Variants in MTMR4 observed in about 807,000 individuals in gnomAD.
The protein encoded by MTMR4 is phosphatidylinositol-3,5-bisphosphate 3-phosphatase MTMR4.
MTMR4 carries 30 observed loss-of-function variants against 125.5 expected under a neutral mutation model. The ratio of observed to expected loss-of-function variants is 0.24; its 90% CI spans 0.18 to 0.32. MTMR4 has a LOEUF of 0.32. Ranked by LOEUF, MTMR4 falls within the 10% of genes least tolerant of loss-of-function variation. MTMR4 has a pLI of 1.00. For synonymous variants in MTMR4, 498 were observed against 564.5 expected, an observed-to-expected ratio of 0.88 and a Z score of 1.67; for missense variants, 1,039 against 1,511.5, an observed-to-expected ratio of 0.69 and a Z score of 5.18.
Position 58,490,552 on chromosome 17 carries a change from A to G in MTMR4, c.*1111T>C, listed in dbSNP as rs980504706. The G allele has an allele frequency of 6.5e-6, 1 of 152,688 alleles. No individual in the cohort carries two copies. The highest frequency in any genetic ancestry group is 2.4e-5 in the African/African-American group (1 of 41,468). The allele number at this position is 152,688 out of a possible 1,614,324, so 9.5% of individuals were successfully genotyped here. A position where few individuals can be genotyped will look rare whatever the true frequency, so the allele number is the denominator to read the frequency against. On this transcript the variant is annotated 3_prime_UTR_variant, in exon 18 of 18. Transcript: ENST00000682306. ...GTTCCATTGTTAAGTGCACAGAAAT[A>G]GACAGCAGCATTTGTACTGAAACCC... is the stretch of plus-strand genomic sequence containing the variant.
Position 58,508,339 on chromosome 17 carries a change from G to A in MTMR4, c.594-65C>T. On this transcript the variant is annotated intron_variant, in intron 6 of 17. Transcript: ENST00000682306. The surrounding 1 kb of genome is among the most constrained non-coding windows in gnomAD (Gnocchi z 4.8). ...AAACATGTGATGACAGGATCCCTGG[G>A]GATGGCTTTGTGGGAAGAGAAACCA... The A allele has an allele frequency of 6.4e-7, 1 of 1,561,560 alleles. No homozygotes were observed. Among genetic ancestry groups the A allele is most frequent in the African/African-American group, 1.4e-5 (1 of 73,918 alleles).
chr17:58,498,797 G>A (rs1975542524), intron 14 of MTMR4, among the ~76,000 whole-genome samples: 1 of 151,968 alleles, frequency 6.6e-6, no homozygotes, highest in African/African-American at 2.4e-5. Flanking sequence ...AAACTGGCTG[G>A]TCTTCTCGAC....
upstream of MTMR4, among the ~76,000 whole-genome samples, chr17:58,518,068 G>A (rs1459474400): frequency 6.6e-6 from 1 of 152,210 alleles, no homozygotes; most frequent in Non-Finnish European, 1.5e-5. Flanking sequence ...TTAGCCAATC[G>A]GATGCCTAAA....
chr17:58,491,314 A>G lies in MTMR4; in HGVS notation c.*349T>C, dbSNP rs1183746605. 1 of 174,914 alleles carries G rather than the reference A, an allele frequency of 5.7e-6. No individual in the cohort carries two copies. Among genetic ancestry groups the G allele is most frequent in the South Asian group, 1.4e-4 (1 of 6,950 alleles). The allele number at this position is 174,914 out of a possible 1,614,324, so 10.8% of individuals were successfully genotyped here. ...GTTATCACTTGGAGTTTGGTTATACATATGCCTTTCTATTGCTGTTTGGGG... is the reference window on the plus strand; with the variant it reads ...GTTATCACTTGGAGTTTGGTTATACGTATGCCTTTCTATTGCTGTTTGGGG... On this transcript the variant is annotated 3_prime_UTR_variant, in exon 18 of 18. Coordinates refer to ENST00000682306, the MANE Select transcript of MTMR4 (RefSeq NM_001378067.1).
At chr17:58,507,000 G>T in intron 8 of MTMR4, 123 bp downstream of exon 8, 2 of 1,550,826 alleles carry the variant, frequency 1.3e-6, no homozygotes, top group Non-Finnish European at 1.8e-6. Context: ...CTTCTGACAA[G>T]GCAGGGACCC....
upstream of MTMR4, chr17:58,515,010 G>A: frequency 1.0e-6 from 1 of 985,322 alleles, no homozygotes; most frequent in African/African-American, 1.7e-5. Context: ...TGCCCATCAG[G>A]GTCCTTCAAT....
At chr17:58,516,400 T>C (rs545423524), upstream of MTMR4, among the ~76,000 whole-genome samples, 2 of 152,296 alleles carry the variant, frequency 1.3e-5, no homozygotes, top group African/African-American at 4.8e-5. Flanking sequence ...CAGTGCTGTA[T>C]ACTGGCTGAT....
At chr17:58,494,857 G>A (rs971703003) in intron 15 of MTMR4, 75 bp downstream of exon 15, 10 of 1,418,398 alleles carry the variant, frequency 7.1e-6, no homozygotes, top group Non-Finnish European at 9.7e-6. Flanking sequence ...AGTACCCAAC[G>A]AATAAATGCT....
chr17:58,502,361 T>C (rs1330259892), intron 14 of MTMR4, among the ~76,000 whole-genome samples: 1 of 152,058 alleles, frequency 6.6e-6, no homozygotes, highest in Non-Finnish European at 1.5e-5. Flanking sequence ...TTTCACCATG[T>C]TGGCCAGGCT....
Position 58,495,145 on chromosome 17 carries a change from G to A in MTMR4, c.3039C>T (p.Asn1013=). The part of the protein sequence containing the change: ...QVSSTKPVPL[N]CPSPVPPLYL... Reference sequence around the variant, plus strand: ...ACAGAGGAGGCACTGGAGAAGGGCAGTTCAGTGGAACGGGCTTTGTGCTAG... The same window carrying A: ...ACAGAGGAGGCACTGGAGAAGGGCAATTCAGTGGAACGGGCTTTGTGCTAG... The change falls in exon 15 of 18, where the codon AAC becomes AAT. Residue 1013 remains asparagine (N), a synonymous_variant. Transcript: ENST00000682306. 1 of 1,614,258 alleles carries A rather than the reference G, an allele frequency of 6.2e-7. No homozygotes were observed. Among genetic ancestry groups the A allele is most frequent in the Non-Finnish European group, 8.5e-7 (1 of 1,180,044 alleles).
chr17:58,515,816 C>G (rs1220711166), upstream of MTMR4, among the ~76,000 whole-genome samples: 1 of 152,198 alleles, frequency 6.6e-6, no homozygotes, highest in Non-Finnish European at 1.5e-5. Context: ...CTCTCATCTA[C>G]TGAATTCTTT....
Position 58,495,814 on chromosome 17 carries a change from A to G in MTMR4, c.2370T>C (p.Cys790=), listed in dbSNP as rs780891842. Residue 790 remains cysteine, a synonymous_variant, in exon 15 of 18, where the codon TGT becomes TGC. Coordinates refer to ENST00000682306, the MANE Select transcript of MTMR4 (RefSeq NM_001378067.1). ...AGTTCTGGGAAGACTCAGGAAAATTACAAACTCCATCACACTTGTTAGAAA... is the reference window on the plus strand; with the variant it reads ...AGTTCTGGGAAGACTCAGGAAAATTGCAAACTCCATCACACTTGTTAGAAA... ...KVISNKCDGV[C]NFPESSQNSP... is the part of the protein sequence containing the mutation. The G allele has an allele frequency of 6.2e-7, 1 of 1,614,162 alleles. No homozygotes were observed. The highest frequency in any genetic ancestry group is 1.1e-5 in the South Asian group (1 of 91,090).
chr17:58,499,577 C>T, intron 14 of MTMR4, among the ~76,000 whole-genome samples: 1 of 151,978 alleles, frequency 6.6e-6, no homozygotes, highest in Non-Finnish European at 1.5e-5. Flanking sequence ...CCCCTCTCCA[C>T]TAACCTTGTT....
At chr17:58,517,495 C>G (rs2042033605), upstream of MTMR4, among the ~76,000 whole-genome samples, 1 of 152,260 alleles carries the variant, frequency 6.6e-6, no homozygotes, top group Non-Finnish European at 1.5e-5. Context: ...CATGGGGGAA[C>G]CGGCAAGAGG....
chr17:58,494,683 A>G (rs1253664111), intron 15 of MTMR4, among the ~76,000 whole-genome samples: 1 of 152,208 alleles, frequency 6.6e-6, no homozygotes, highest in Non-Finnish European at 1.5e-5. Flanking sequence ...TTCAGCACTC[A>G]GCTCAAGCAT....
In MTMR4 at chr17:58,496,171, G is replaced by A. The variant is rs1167940877; in HGVS notation, c.2013C>T (p.Ser671=). The change falls in exon 15 of 18, where the codon AGC becomes AGT. Residue 671 remains serine, a synonymous_variant. Coordinates refer to ENST00000682306, the MANE Select transcript of MTMR4 (RefSeq NM_001378067.1). ...GCCCTCCTACCCCAGAGTCCACAAAGCTTGTCTCTGATCCCTCAGGATTGC... is the reference window on the plus strand; with the variant it reads ...GCCCTCCTACCCCAGAGTCCACAAAACTTGTCTCTGATCCCTCAGGATTGC... The part of the protein sequence containing the change: ...WHSNPEGSET[S]FVDSGVGGPQ... 2 of 1,614,178 alleles carry A rather than the reference G, an allele frequency of 1.2e-6. No individual in the cohort carries two copies. Among genetic ancestry groups the A allele is most frequent in the South Asian group, 2.2e-5 (2 of 91,082 alleles).
intron 17 of MTMR4, among the ~76,000 whole-genome samples, chr17:58,492,233 G>A (rs1408795405): frequency 1.3e-5 from 2 of 152,116 alleles, no homozygotes; most frequent in Admixed American, 6.5e-5. Context: ...GTGCAGTGGC[G>A]TAATCTCGGC....
chr17:58,511,421 G>A lies in MTMR4; in HGVS notation c.335+8C>T, dbSNP rs1975927900. Reference sequence around the variant, plus strand: ...CAGGGGACCTGAGTGAGGCTCCGTTGTTCTCACCTCACCACTTTGGAGTCC... The same window carrying A: ...CAGGGGACCTGAGTGAGGCTCCGTTATTCTCACCTCACCACTTTGGAGTCC... On this transcript the variant is annotated splice_region_variant and intron_variant, in intron 4 of 17. Coordinates refer to ENST00000682306, the MANE Select transcript of MTMR4 (RefSeq NM_001378067.1). The A allele has an allele frequency of 3.1e-6, 5 of 1,607,944 alleles. No homozygotes were observed. Among genetic ancestry groups the A allele is most frequent in the Non-Finnish European group, 4.2e-6 (5 of 1,176,732 alleles).
At chr17:58,492,809 G>A (rs921537573) in intron 16 of MTMR4, 33 bp downstream of exon 16, 9 of 1,569,924 alleles carry the variant, frequency 5.7e-6, no homozygotes, top group African/African-American at 2.7e-5. Context: ...ACTGGCTCAC[G>A]TAAGTACCCA....
Sources: gnomAD v4.1 joint callset for allele counts (sites outside exome capture counted in the v4.1 genomes callset) on GRCh38, gnomAD v4.1.1 for gene constraint, Gnocchi (gnomAD v3.1) non-coding constraint, MANE v1.5 for transcripts, NCBI Gene and HGNC (gene_info 2026-07-23, HGNC 2026-07-21) for gene names.